TPTE2: variants seen among roughly 807,000 people sequenced by gnomAD.
The protein encoded by TPTE2 is transmembrane phosphoinositide 3-phosphatase and tensin homolog 2.
In TPTE2, 53 loss-of-function variants were observed where a neutral mutation model predicts 78.6. The observed-to-expected ratio is 0.67, with a 90% confidence interval of 0.54 to 0.85. TPTE2 has a LOEUF of 0.85. Ranked by LOEUF, TPTE2 falls within the 40% of genes least tolerant of loss-of-function variation. TPTE2 has a pLI of 0.00. For missense variants in TPTE2, 461 were observed against 623.0 expected (o/e 0.74, Z 2.77); for synonymous variants, 175 against 206.2 (o/e 0.85, Z 1.30).
At chr13:19,500,402 T>A (rs1449362969) in intron 1 of TPTE2, among the ~76,000 whole-genome samples, 2 of 152,058 alleles carry the variant, frequency 1.3e-5, no homozygotes, top group Non-Finnish European at 2.9e-5. Context: ...AAATCCTCAA[T>A]ACAATACTGG....
intron 1 of TPTE2, among the ~76,000 whole-genome samples, chr13:19,530,876 A>G (rs1481497513): frequency 2.0e-5 from 3 of 152,100 alleles, no homozygotes; most frequent in Non-Finnish European, 4.4e-5. Flanking sequence ...CATCTTAACC[A>G]TGTTTAAGTG....
chr13:19,443,067 A>G (rs1374654386), intron 13 of TPTE2, among the ~76,000 whole-genome samples: 1 of 152,096 alleles, frequency 6.6e-6, no homozygotes, highest in Non-Finnish European at 1.5e-5. Flanking sequence ...AAAAACTATG[A>G]GAAAGGAAAA....
chr13:19,513,507 AT>A (rs1183508308), intron 1 of TPTE2, among the ~76,000 whole-genome samples: 13 of 152,286 alleles, frequency 8.5e-5, no homozygotes, highest in Non-Finnish European at 1.2e-4. Context: ...ATGTCAATTC[AT>A]TGGGGTCAGT....
At chr13:19,447,649 C>T (rs941194077) in intron 13 of TPTE2, among the ~76,000 whole-genome samples, 4 of 151,974 alleles carry the variant, frequency 2.6e-5, no homozygotes, top group Admixed American at 6.6e-5. Context: ...AGTCAGTTTA[C>T]GGTGCTATGT....
Position 19,535,314 on chromosome 13 carries a change from T to G in TPTE2, c.-44+1282A>C, listed in dbSNP as rs577997875. On this transcript the variant is annotated intron_variant, in intron 1 of 17. Coordinates refer to the TPTE2 transcript ENST00000390680. The surrounding 1 kb of genome is among the most constrained non-coding windows in gnomAD (Gnocchi z 5.1). ...TGTATAAATAGTCAAACGAAGGATGTTTTTAACAACATGGTCCCAACTGTG... is the reference window on the plus strand; with the variant it reads ...TGTATAAATAGTCAAACGAAGGATGGTTTTAACAACATGGTCCCAACTGTG... Among the ~76,000 whole-genome samples the G allele has an allele frequency of 6.6e-6, 1 of 152,088 alleles. No homozygotes were observed. The highest frequency in any genetic ancestry group is 2.1e-4 in the South Asian group (1 of 4,810).
chr13:19,463,711 T>G (rs1241866074), intron 10 of TPTE2, among the ~76,000 whole-genome samples: 1 of 152,166 alleles, frequency 6.6e-6, no homozygotes, highest in East Asian at 1.9e-4. Context: ...TCTGGGTGGG[T>G]GCAGTAATAT....
chr13:19,440,942 C>G (rs1247716767), intron 13 of TPTE2, among the ~76,000 whole-genome samples: 5 of 151,848 alleles, frequency 3.3e-5, no homozygotes, highest in African/African-American at 1.2e-4. Flanking sequence ...CAAAAATTAG[C>G]TGGGCGTGGT....
intron 11 of TPTE2, among the ~76,000 whole-genome samples, chr13:19,450,676 A>G (rs1486008411): frequency 6.6e-6 from 1 of 152,192 alleles, no homozygotes; most frequent in Non-Finnish European, 1.5e-5. Flanking sequence ...GCCCCCTGAA[A>G]ATGTCTATTG....
At chr13:19,450,092 G>A in exon 13 of TPTE2, 1 of 1,611,334 alleles carries the variant, frequency 6.2e-7, no homozygotes, top group South Asian at 1.1e-5. Context: ...CTCCTTTACA[G>A]TGAATCGCTA....
At chr13:19,533,461 GGTTAT>G (rs1253202346) in intron 1 of TPTE2, among the ~76,000 whole-genome samples, 1 of 152,206 alleles carries the variant, frequency 6.6e-6, no homozygotes, top group Admixed American at 6.5e-5. Context: ...ACTGATGGAA[GGTTAT>G]GTTAACTAAA....
intron 1 of TPTE2, among the ~76,000 whole-genome samples, chr13:19,526,246 G>A (rs1870488364): frequency 1.3e-5 from 2 of 152,064 alleles, no homozygotes; most frequent in Admixed American, 6.5e-5. Context: ...TATGTTCATC[G>A]CAGCACTATT....
intron 14 of TPTE2, among the ~76,000 whole-genome samples, chr13:19,436,802 G>A (rs965299696): frequency 1.3e-5 from 2 of 152,076 alleles, no homozygotes; most frequent in South Asian, 2.1e-4. Context: ...AAATTTTAGA[G>A]CTGGAAACAC....
chr13:19,522,538 G>A (rs1308988707), intron 1 of TPTE2, among the ~76,000 whole-genome samples: 2 of 151,380 alleles, frequency 1.3e-5, no homozygotes, highest in Non-Finnish European at 2.9e-5. Context: ...GAACAGAAAT[G>A]TCTTCTGACA....
chr13:19,520,522 A>G (rs906818576), intron 1 of TPTE2, among the ~76,000 whole-genome samples: 1 of 151,648 alleles, frequency 6.6e-6, no homozygotes, highest in African/African-American at 2.4e-5. Flanking sequence ...AGGCTAGCTA[A>G]GCTATCAATT....
At chr13:19,542,116 AT>A in the TPTE2 span, among the ~76,000 whole-genome samples, 270 of 152,318 alleles carry the variant, frequency 1.8e-3, 1 homozygote, top group African/African-American at 6.0e-3. Flanking sequence ...TTCTTTAAAA[AT>A]AAATCTCTTA....
At chr13:19,554,035 C>T in the TPTE2 span, among the ~76,000 whole-genome samples, 1 of 152,134 alleles carries the variant, frequency 6.6e-6, no homozygotes, top group Non-Finnish European at 1.5e-5. Context: ...TTTTTACCAA[C>T]ATTTTTGATC....
At chr13:19,472,952 C>T (rs1879715724) in intron 6 of TPTE2, among the ~76,000 whole-genome samples, 1 of 152,202 alleles carries the variant, frequency 6.6e-6, no homozygotes, top group Admixed American at 6.5e-5. Context: ...TTCTTGCAGA[C>T]TTATAGTGGT....
rs767900742 is a variant in TPTE2 at position 19,423,157 on chromosome 13, G to C, written c.1474C>G (p.Leu492Val). 28 of 1,603,786 alleles carry C rather than the reference G, an allele frequency of 1.7e-5. No homozygotes were observed. In the South Asian group the frequency reaches 3.1e-4, roughly 18 times the overall value. Reference sequence around the variant, plus strand: ...GGATTATCCAATTCATTTCTTGGTAGACAAAGCCTAAGAATAGAAAAAAAA... The same window carrying C: ...GGATTATCCAATTCATTTCTTGGTACACAAAGCCTAAGAATAGAAAAAAAA... Residue 492 changes from leucine (L) to valine (V), a missense_variant, in exon 20 of 20, where the codon CTA becomes GTA. Leu to Val is a conservative substitution (Grantham distance 32). Transcript: ENST00000400230.
chr13:19,499,228 TAGAC>T (rs1436106029), intron 1 of TPTE2, among the ~76,000 whole-genome samples: 1 of 152,036 alleles, frequency 6.6e-6, no homozygotes, highest in African/African-American at 2.4e-5. Context: ...CTGTCAACAT[TAGAC>T]AGATCAACGA....
Sources: gnomAD v4.1 joint callset for allele counts (sites outside exome capture counted in the v4.1 genomes callset) on GRCh38, gnomAD v4.1.1 for gene constraint, Gnocchi (gnomAD v3.1) non-coding constraint, MANE v1.5 for transcripts, NCBI Gene and HGNC (gene_info 2026-07-23, HGNC 2026-07-21) for gene names.